PLXNA4: variants seen among roughly 807,000 people sequenced by gnomAD.
PLXNA4 encodes plexin-A4.
PLXNA4 carries 44 observed loss-of-function variants against 191.8 expected under a neutral mutation model. The observed-to-expected ratio is 0.23, with a 90% CI of 0.18 to 0.29. The LOEUF (loss-of-function observed/expected upper bound fraction) is 0.29, where lower values mean the gene tolerates loss of function less well. PLXNA4 is among the 10% of genes least tolerant of loss of function. PLXNA4 has a pLI of 1.00. For synonymous variants in PLXNA4, 1,082 were observed against 1,009.5 expected, an observed-to-expected ratio of 1.07 and a Z score of -1.36; for missense variants, 1,800 against 2,488.8, an observed-to-expected ratio of 0.72 and a Z score of 5.89.
intron 3 of PLXNA4, among the ~76,000 whole-genome samples, chr7:132,319,375 C>A (rs539598768): frequency 2.0e-5 from 3 of 152,250 alleles, no homozygotes; most frequent in South Asian, 2.1e-4. Flanking sequence ...AAATAGAAAA[C>A]TAGCATATTC....
At chr7:132,344,004 A>T (rs1803141600) in intron 3 of PLXNA4, among the ~76,000 whole-genome samples, 1 of 152,186 alleles carries the variant, frequency 6.6e-6, no homozygotes, top group South Asian at 2.1e-4. Flanking sequence ...TAGTTTAGAC[A>T]CATCATTGCC....
intron 3 of PLXNA4, among the ~76,000 whole-genome samples, chr7:132,399,552 GACC>G (rs1793903028): frequency 6.6e-6 from 1 of 152,178 alleles, no homozygotes. Flanking sequence ...GGGGAGGCGG[GACC>G]ACACTGGTCC....
intron 4 of PLXNA4, among the ~76,000 whole-genome samples, chr7:132,261,684 G>T (rs553198479): frequency 6.6e-6 from 1 of 152,208 alleles, no homozygotes; most frequent in South Asian, 2.1e-4. Context: ...TTCAGGACCC[G>T]GGCAGCTGCC....
chr7:132,565,900 G>A (rs1255666401), intron 1 of PLXNA4, among the ~76,000 whole-genome samples: 4 of 152,180 alleles, frequency 2.6e-5, no homozygotes, highest in African/African-American at 9.7e-5. Context: ...AAAGTCAAGA[G>A]CGACAGAGCT....
At chr7:132,371,813 TCACACACACAGTCTAGAC>T (rs1250341056) in intron 3 of PLXNA4, among the ~76,000 whole-genome samples, 4 of 151,878 alleles carry the variant, frequency 2.6e-5, no homozygotes, top group Non-Finnish European at 4.4e-5. Flanking sequence ...ATACACACAC[TCACACACACAGTCTAGAC>T]CACACCTAGC....
chr7:132,300,308 G>T (rs1260096835), intron 3 of PLXNA4, among the ~76,000 whole-genome samples: 2 of 152,142 alleles, frequency 1.3e-5, no homozygotes, highest in Non-Finnish European at 2.9e-5. Context: ...ATGTCTCCCG[G>T]TGGTGGCCAC....
chr7:132,233,607 G>A (rs1798595899), intron 5 of PLXNA4, among the ~76,000 whole-genome samples: 1 of 152,246 alleles, frequency 6.6e-6, no homozygotes, highest in Non-Finnish European at 1.5e-5. Context: ...AACCTAAGAA[G>A]CAGCTGAATC....
rs143452224 is a variant in PLXNA4, at chr7:132,521,177, T to TAAAAAAAA, written c.-86-12399_-86-12398insTTTTTTTT. Among the ~76,000 whole-genome samples the TAAAAAAAA allele has an allele frequency of 3.5e-5, 4 of 115,660 alleles. 1 individual carries two copies. The highest frequency in any genetic ancestry group is 3.3e-5 in the African/African-American group (1 of 30,490). The allele number at this position is 115,660 out of a possible 152,430, so 75.9% of individuals were successfully genotyped here. On this transcript the variant is annotated intron_variant, in intron 1 of 31. Transcript: ENST00000321063. ...GCTGAACGGAGATATATTTGCTCCT[T>TAAAAAAAA]GAAAAAAAAAAAAAAAAAAAAAAAA...
intron 1 of PLXNA4, among the ~76,000 whole-genome samples, chr7:132,561,516 CCTT>C (rs1801063808): frequency 3.1e-5 from 4 of 129,874 alleles, no homozygotes; most frequent in African/African-American, 3.0e-5. Context: ...TCCTCCTCCT[CCTT>C]CTCCTCCTCC....
chr7:132,463,981 C>T (rs912532804), intron 3 of PLXNA4, among the ~76,000 whole-genome samples: 1 of 152,214 alleles, frequency 6.6e-6, no homozygotes, highest in Non-Finnish European at 1.5e-5. Context: ...CCTAGGAAAC[C>T]AGGGCTGGCT....
At chr7:132,629,774 A>G (rs1029809515) in intron 2 of PLXNA4, among the ~76,000 whole-genome samples, 1 of 152,234 alleles carries the variant, frequency 6.6e-6, no homozygotes, top group Non-Finnish European at 1.5e-5. Context: ...CCTGGCTTGC[A>G]GATGGCCGCC....
intron 10 of PLXNA4, among the ~76,000 whole-genome samples, chr7:132,204,462 T>C (rs1268320581): frequency 8.5e-5 from 13 of 152,236 alleles, no homozygotes; most frequent in African/African-American, 3.1e-4. Flanking sequence ...ACAGATTTTC[T>C]GCATGGGAGG....
intron 2 of PLXNA4, among the ~76,000 whole-genome samples, chr7:132,614,791 GCCGGAGACA>G (rs1289483043): frequency 6.6e-6 from 1 of 152,186 alleles, no homozygotes; most frequent in Non-Finnish European, 1.5e-5. Context: ...CTTGGGAAAT[GCCGGAGACA>G]CCTCCCACCG....
At chr7:132,558,605 C>G (rs1237246666) in intron 1 of PLXNA4, among the ~76,000 whole-genome samples, 1 of 152,220 alleles carries the variant, frequency 6.6e-6, no homozygotes, top group South Asian at 2.1e-4. Context: ...AAATGAGCTA[C>G]AGCAACTTCA....
intron 2 of PLXNA4, among the ~76,000 whole-genome samples, chr7:132,507,161 T>A (rs943010614): frequency 6.6e-6 from 1 of 152,166 alleles, no homozygotes; most frequent in East Asian, 1.9e-4. Flanking sequence ...TACAGCACAC[T>A]GTGATCTAGA....
intron 3 of PLXNA4, among the ~76,000 whole-genome samples, chr7:132,485,284 C>G (rs1478274118): frequency 6.6e-6 from 1 of 152,188 alleles, no homozygotes; most frequent in Admixed American, 6.5e-5. Context: ...GCTCCACCCC[C>G]TTAGGTGTGA....
chr7:132,228,512 T>C lies in PLXNA4; in HGVS notation c.1605-43A>G, dbSNP rs761374476. ...TCGAGTTACTCAGGAGATGGCCGCT[T>C]GGTCCAGGGAGGGGCGGATGCTGAG... On this transcript the variant is annotated intron_variant, in intron 5 of 31. Coordinates refer to ENST00000321063, the MANE Select transcript of PLXNA4 (RefSeq NM_020911.2). 4.3e-6 allele frequency: 7 copies of C among 1,611,846 alleles called. No individual in the cohort carries two copies. The East Asian group carries it at 1.6e-4, about 36-fold the overall frequency.
At chr7:132,324,264 G>T (rs80347886) in intron 3 of PLXNA4, among the ~76,000 whole-genome samples, 2 of 152,058 alleles carry the variant, frequency 1.3e-5, no homozygotes, top group Non-Finnish European at 2.9e-5. Flanking sequence ...AAGATCTGCC[G>T]GTTTGACACT....
At chr7:132,349,158 A>T (rs1018552091) in intron 3 of PLXNA4, among the ~76,000 whole-genome samples, 1 of 152,268 alleles carries the variant, frequency 6.6e-6, no homozygotes, top group Admixed American at 6.5e-5. Flanking sequence ...GATTTTTTTT[A>T]AATAAATAAA....
Sources: allele counts gnomAD v4.1 joint callset (sites outside exome capture counted in the v4.1 genomes callset), GRCh38; gene constraint gnomAD v4.1.1; transcripts MANE v1.5; gene names NCBI Gene and HGNC (gene_info 2026-07-23, HGNC 2026-07-21).